Variants in ADGRB3 observed in about 807,000 individuals in gnomAD.
ADGRB3 encodes adhesion G protein-coupled receptor B3.
In ADGRB3, 37 loss-of-function variants were observed where a neutral mutation model predicts 193.4. The ratio of observed to expected loss-of-function variants is 0.19; its 90% CI spans 0.15 to 0.25. The LOEUF is 0.25. Among genes scored for constraint, ADGRB3 ranks in the 10% least tolerant of loss-of-function variants. The pLI, the probability that ADGRB3 is intolerant of heterozygous loss-of-function variation, is 1.00. For missense variants in ADGRB3, 1,637 were observed against 1,852.9 expected (o/e 0.88, Z 2.14); for synonymous variants, 690 against 644.2 (o/e 1.07, Z -1.08).
chr6:68,912,249 ATTTT>A (rs971601937), intron 3 of ADGRB3, among the ~76,000 whole-genome samples: 3 of 151,112 alleles, frequency 2.0e-5, no homozygotes, highest in Non-Finnish European at 3.0e-5. Flanking sequence ...TAAATTACTG[ATTTT>A]TTTTTCTGTG....
At chr6:68,992,468 A>G (rs1163017062) in intron 10 of ADGRB3, among the ~76,000 whole-genome samples, 1 of 152,124 alleles carries the variant, frequency 6.6e-6, no homozygotes, top group East Asian at 1.9e-4. Flanking sequence ...TCACTCCATT[A>G]CCAGACAATT....
intron 8 of ADGRB3, among the ~76,000 whole-genome samples, chr6:68,968,482 T>G (rs1392682687): frequency 6.6e-6 from 1 of 152,170 alleles, no homozygotes; most frequent in African/African-American, 2.4e-5. Flanking sequence ...TTATTAAATG[T>G]GTTTCAAAGT....
chr6:68,848,467 C>T (rs509984), intron 3 of ADGRB3, among the ~76,000 whole-genome samples: 67,909 of 151,842 alleles, frequency 0.45, 16,518 homozygotes, highest in East Asian at 0.6. Flanking sequence ...AATTAACATA[C>T]TTTGACTTGG....
chr6:69,071,008 C>CCT (rs1303346907), intron 16 of ADGRB3, among the ~76,000 whole-genome samples: 1 of 151,898 alleles, frequency 6.6e-6, no homozygotes, highest in East Asian at 1.9e-4. Flanking sequence ...CCTAGTCGTA[C>CCT]CTCTCTCTCT....
At chr6:69,163,833 T>C (rs1775060685) in intron 17 of ADGRB3, among the ~76,000 whole-genome samples, 1 of 152,156 alleles carries the variant, frequency 6.6e-6, no homozygotes, top group African/African-American at 2.4e-5. Context: ...GTATAATTGA[T>C]TGCCTTTTTA....
At chr6:69,106,179 A>AAAAAAAAAAG (rs1554143751) in intron 17 of ADGRB3, among the ~76,000 whole-genome samples, 2 of 140,734 alleles carry the variant, frequency 1.4e-5, no homozygotes, top group African/African-American at 2.5e-5. Context: ...AAAAAAAAAA[A>AAAAAAAAAAG]AAAAGAAAAG....
chr6:69,191,844 A>T (rs990126867), intron 17 of ADGRB3, among the ~76,000 whole-genome samples: 1 of 152,148 alleles, frequency 6.6e-6, no homozygotes, highest in African/African-American at 2.4e-5. Flanking sequence ...TATCAAGATG[A>T]TTAGATAGTA....
chr6:69,162,657 A>G (rs1775028796), intron 17 of ADGRB3, among the ~76,000 whole-genome samples: 1 of 152,128 alleles, frequency 6.6e-6, no homozygotes. Context: ...TGCCAAGAGA[A>G]TCAGCATACA....
intron 17 of ADGRB3, among the ~76,000 whole-genome samples, chr6:69,113,417 G>T (rs951461457): frequency 6.6e-6 from 1 of 151,766 alleles, no homozygotes; most frequent in Admixed American, 6.6e-5. Context: ...ACTCCACACA[G>T]AAATACTTTC....
At chr6:69,217,105 G>A (rs1356414835) in intron 17 of ADGRB3, among the ~76,000 whole-genome samples, 1 of 152,204 alleles carries the variant, frequency 6.6e-6, no homozygotes, top group Non-Finnish European at 1.5e-5. Context: ...CCAACTGAAT[G>A]AATGTGAGAA....
intron 3 of ADGRB3, among the ~76,000 whole-genome samples, chr6:68,843,272 A>G (rs1768200151): frequency 6.6e-6 from 1 of 152,024 alleles, no homozygotes; most frequent in South Asian, 2.1e-4. Flanking sequence ...TTATATTTCA[A>G]AAAACCCAAA....
At chr6:69,072,058 C>T (rs2150311256) in intron 16 of ADGRB3, among the ~76,000 whole-genome samples, 1 of 152,114 alleles carries the variant, frequency 6.6e-6, no homozygotes, top group Non-Finnish European at 1.5e-5. Context: ...TCATTGGTTG[C>T]TTTGTTTTCC....
chr6:69,365,039 G>C (rs1769539071), intron 29 of ADGRB3, among the ~76,000 whole-genome samples: 1 of 152,042 alleles, frequency 6.6e-6, no homozygotes, highest in African/African-American at 2.4e-5. Context: ...TGAAACTCTG[G>C]TATTTACTTT....
intron 11 of ADGRB3, among the ~76,000 whole-genome samples, chr6:69,000,161 C>G (rs1769525460): frequency 6.6e-6 from 1 of 152,060 alleles, no homozygotes; most frequent in African/African-American, 2.4e-5. Context: ...GTTACTTAAT[C>G]TTTGTCTACC....
chr6:68,659,396 T>C (rs1344035613), intron 3 of ADGRB3, among the ~76,000 whole-genome samples: 1 of 150,810 alleles, frequency 6.6e-6, no homozygotes, highest in Non-Finnish European at 1.5e-5. Flanking sequence ...AAGGAGAAAA[T>C]ATAACAAAAT....
At chr6:69,388,554 CTA>C (rs1770122258) in intron 31 of ADGRB3, 147 bp from the exon 32 acceptor site, 1 of 707,546 alleles carries the variant, frequency 1.4e-6, no homozygotes, top group African/African-American at 1.8e-5. Context: ...AAAATCAAAA[CTA>C]TTTCCCACAG....
intron 3 of ADGRB3, among the ~76,000 whole-genome samples, chr6:68,640,863 G>A (rs1251058018): frequency 3.3e-5 from 5 of 152,208 alleles, no homozygotes; most frequent in Admixed American, 3.3e-4. Context: ...CAGACTAATG[G>A]CAGTGAGAGA....
At chr6:68,993,652 A>G in intron 10 of ADGRB3, 116 bp from the exon 11 acceptor site, 1 of 1,057,866 alleles carries the variant, frequency 9.5e-7, no homozygotes, top group Non-Finnish European at 1.4e-6. Flanking sequence ...CCTCCCAAGC[A>G]TTGCAAGGCT....
chr6:69,381,094 T>C (rs1026992150), intron 30 of ADGRB3, among the ~76,000 whole-genome samples: 4 of 151,878 alleles, frequency 2.6e-5, no homozygotes, highest in African/African-American at 9.7e-5. Flanking sequence ...TGGTACTGCA[T>C]GAAAGTGTTT....
Sources: allele counts gnomAD v4.1 joint callset (sites outside exome capture counted in the v4.1 genomes callset), GRCh38; gene constraint gnomAD v4.1.1; transcripts MANE v1.5; gene names NCBI Gene and HGNC (gene_info 2026-07-23, HGNC 2026-07-21).